DPF3: variants seen among roughly 807,000 people sequenced by gnomAD.
DPF3 encodes zinc finger protein DPF3.
DPF3 carries 18 observed loss-of-function variants against 56.8 expected under a neutral mutation model. The ratio of observed to expected loss-of-function variants is 0.32; its 90% CI spans 0.22 to 0.47. The LOEUF is 0.47. DPF3 is among the 20% of genes least tolerant of loss of function. The pLI is 1.00. For missense variants in DPF3, 403 were observed against 488.8 expected (o/e 0.82, Z 1.65); for synonymous variants, 188 against 180.2 (o/e 1.04, Z -0.35).
chr14:72,698,319 T>C (rs530643108), intron 6 of DPF3, among the ~76,000 whole-genome samples: 4 of 152,348 alleles, frequency 2.6e-5, no homozygotes, highest in African/African-American at 9.6e-5. Flanking sequence ...AGATATTCAA[T>C]GCTTTATTCT....
intron 8 of DPF3, among the ~76,000 whole-genome samples, chr14:72,635,530 A>G (rs1484049234): frequency 6.6e-6 from 1 of 152,236 alleles, no homozygotes; most frequent in African/African-American, 2.4e-5. Context: ...GCCAATTTCT[A>G]TGCACGCTAA....
chr14:72,713,512 G>C (rs1168029360), intron 6 of DPF3, among the ~76,000 whole-genome samples: 1 of 152,218 alleles, frequency 6.6e-6, no homozygotes, highest in East Asian at 1.9e-4. Context: ...CCAGGGTCCA[G>C]CCTCGACTGT....
chr14:72,759,698 C>A (rs1297961381), intron 2 of DPF3, among the ~76,000 whole-genome samples: 2 of 152,120 alleles, frequency 1.3e-5, no homozygotes, highest in African/African-American at 2.4e-5. Flanking sequence ...AAGCTAGGTA[C>A]AATAAACATT....
chr14:72,868,275 G>T (rs186252914), intron 1 of DPF3, among the ~76,000 whole-genome samples: 1 of 152,166 alleles, frequency 6.6e-6, no homozygotes, highest in South Asian at 2.1e-4. Context: ...CCATCACTTT[G>T]TAATGGTCTC....
chr14:72,791,246 T>A (rs1242326910), intron 1 of DPF3, among the ~76,000 whole-genome samples: 2 of 152,230 alleles, frequency 1.3e-5, no homozygotes, highest in Non-Finnish European at 2.9e-5. Context: ...GTGGAGCTGC[T>A]GCTTTGCTGG....
intron 8 of DPF3, chr14:72,670,485 G>A (rs1200637666): frequency 1.0e-6 from 1 of 986,248 alleles, no homozygotes; most frequent in South Asian, 4.7e-5. Flanking sequence ...AGATGGAAAG[G>A]TCAGGGAGGA....
intron 1 of DPF3, among the ~76,000 whole-genome samples, chr14:72,793,218 A>G (rs796573460): frequency 9.8e-5 from 15 of 152,368 alleles, no homozygotes; most frequent in African/African-American, 3.6e-4. Flanking sequence ...GGAAACCAAA[A>G]GTGTCACACC....
rs553345457 is a variant in DPF3 at position 72,857,457 on chromosome 14, T to A, written c.32+36600A>T. On this transcript the variant is annotated intron_variant, in intron 1 of 10. Transcript: ENST00000556509. The stretch of plus-strand genomic sequence containing the variant: ...ACTTCCTTTGAGTTTCAATTGATAA[T>A]CCCCGAAGATTAAGAAAATAGTGAT... Among the ~76,000 whole-genome samples, 4 of 152,248 alleles carry A rather than the reference T, an allele frequency of 2.6e-5. No homozygotes were observed. The South Asian group carries it at 8.3e-4, about 32-fold the overall frequency.
At chr14:72,724,810 G>A (rs1458301393) in intron 4 of DPF3, among the ~76,000 whole-genome samples, 1 of 151,278 alleles carries the variant, frequency 6.6e-6, no homozygotes, top group African/African-American at 2.4e-5. Context: ...CCAGGCCTAA[G>A]CGATCCTCCC....
intron 4 of DPF3, 93 bp downstream of exon 4, chr14:72,731,714 A>G (rs1599392034): frequency 6.5e-7 from 1 of 1,543,628 alleles, no homozygotes; most frequent in Non-Finnish European, 8.8e-7. Context: ...CCGGCCCTTG[A>G]GGGGAGGATC....
intron 1 of DPF3, among the ~76,000 whole-genome samples, chr14:72,776,558 A>C (rs1469048712): frequency 2.0e-5 from 3 of 152,162 alleles, no homozygotes; most frequent in Admixed American, 6.5e-5. Context: ...AGACTTCTCC[A>C]AAGTGACTGC....
At chr14:72,850,033 C>T (rs570368964) in intron 1 of DPF3, among the ~76,000 whole-genome samples, 46 of 152,132 alleles carry the variant, frequency 3.0e-4, no homozygotes, top group African/African-American at 1.0e-3. Flanking sequence ...GCTGAAGAAT[C>T]GCTTGAACCC....
chr14:72,754,737 A>G (rs1257840572), intron 2 of DPF3, among the ~76,000 whole-genome samples: 1 of 152,210 alleles, frequency 6.6e-6, no homozygotes, highest in African/African-American at 2.4e-5. Flanking sequence ...TCATTGCTAT[A>G]TACTCATTCA....
intron 5 of DPF3, among the ~76,000 whole-genome samples, chr14:72,722,336 C>G (rs1490650826): frequency 1.3e-5 from 2 of 152,224 alleles, no homozygotes; most frequent in Non-Finnish European, 2.9e-5. Context: ...CCTGCACAGG[C>G]TGCACAGCCC....
chr14:72,747,964 T>C (rs528489133), intron 3 of DPF3, among the ~76,000 whole-genome samples: 1 of 152,348 alleles, frequency 6.6e-6, no homozygotes, highest in South Asian at 2.1e-4. Context: ...TATGTGTTTA[T>C]CAGCAGTGTG....
At chr14:72,723,143 G>A (rs995960562) in intron 5 of DPF3, among the ~76,000 whole-genome samples, 3 of 151,636 alleles carry the variant, frequency 2.0e-5, no homozygotes, top group Non-Finnish European at 4.4e-5. Context: ...CTATTAACTC[G>A]TAATTTAATA....
chr14:72,819,531 C>CAT (rs1395499542), intron 1 of DPF3, among the ~76,000 whole-genome samples: 1 of 151,588 alleles, frequency 6.6e-6, no homozygotes, highest in Non-Finnish European at 1.5e-5. Flanking sequence ...GATGTTACTG[C>CAT]ATTGGTATCA....
chr14:72,824,147 C>T (rs905010260), intron 1 of DPF3, among the ~76,000 whole-genome samples: 1 of 152,084 alleles, frequency 6.6e-6, no homozygotes, highest in African/African-American at 2.4e-5. Flanking sequence ...AGAGCAAAAT[C>T]CAGAAACAAG....
At chr14:72,660,611 C>T (rs1032692948) in intron 8 of DPF3, among the ~76,000 whole-genome samples, 3 of 152,254 alleles carry the variant, frequency 2.0e-5, no homozygotes, top group Non-Finnish European at 4.4e-5. Context: ...AACCTCCCAC[C>T]TATTCTAAGC....
Sources: gnomAD v4.1 joint callset for allele counts (sites outside exome capture counted in the v4.1 genomes callset) on GRCh38, gnomAD v4.1.1 for gene constraint, MANE v1.5 for transcripts, NCBI Gene and HGNC (gene_info 2026-07-23, HGNC 2026-07-21) for gene names.